The following EEA1 variants were observed in gnomAD, a reference collection of about 807,000 sequenced individuals.
EEA1 encodes the protein early endosome antigen 1, also known as early endosome antigen 1, 162kD.
In EEA1, 111 loss-of-function variants were observed where a neutral mutation model predicts 209.2. The ratio of observed to expected loss-of-function variants is 0.53; its 90% CI spans 0.45 to 0.62. EEA1 has a LOEUF of 0.62. EEA1 is among the 20% of genes least tolerant of loss of function. The pLI is 0.00. For missense variants in EEA1, 1,343 were observed against 1,530.8 expected (o/e 0.88, Z 2.05); for synonymous variants, 536 against 540.6 (o/e 0.99, Z 0.12).
At chr12:92,886,396 G>C (rs1023299934) in intron 2 of EEA1, among the ~76,000 whole-genome samples, 1 of 99,542 alleles carries the variant, frequency 1.0e-5, no homozygotes, top group Non-Finnish European at 2.0e-5. Context: ...GAGAGGGGAG[G>C]GGAGGGGAGG....
chr12:92,807,529 A>G (rs1238766392), intron 18 of EEA1, among the ~76,000 whole-genome samples: 1 of 152,218 alleles, frequency 6.6e-6, no homozygotes, highest in Non-Finnish European at 1.5e-5. Context: ...ATGTCTAGTT[A>G]GAAAACATCA....
In EEA1 at chr12:92,801,717, A is replaced by G; in HGVS notation, c.2671-16T>C. The G allele has an allele frequency of 1.3e-6, 2 of 1,504,936 alleles. No homozygotes were observed. Among genetic ancestry groups the G allele is most frequent in the Non-Finnish European group, 1.8e-6 (2 of 1,114,498 alleles). The allele number at this position is 1,504,936 out of a possible 1,614,324, so 93.2% of individuals were successfully genotyped here. A position where few individuals can be genotyped will look rare whatever the true frequency, so the allele number is the denominator to read the frequency against. Reference sequence around the variant, plus strand: ...AAGTTTTTTCCTTAAAAAAAATGAAAACTATATTACATAAAAAATATTTGT... The same window carrying G: ...AAGTTTTTTCCTTAAAAAAAATGAAGACTATATTACATAAAAAATATTTGT... On this transcript the variant is annotated splice_polypyrimidine_tract_variant and intron_variant, in intron 19 of 28. Transcript: ENST00000322349.
intron 5 of EEA1, among the ~76,000 whole-genome samples, chr12:92,854,923 T>C (rs1036747526): frequency 2.0e-5 from 3 of 152,232 alleles, no homozygotes; most frequent in Non-Finnish European, 4.4e-5. Context: ...TCTATTGATA[T>C]TCCCTGTAAG....
chr12:92,792,243 A>G (rs1341080558), intron 21 of EEA1, among the ~76,000 whole-genome samples: 13 of 152,174 alleles, frequency 8.5e-5, no homozygotes, highest in Admixed American at 7.9e-4. Flanking sequence ...CAAATTCACA[A>G]GCAAGCACAA....
At chr12:92,880,588 C>T (rs1218325517) in intron 2 of EEA1, among the ~76,000 whole-genome samples, 2 of 152,158 alleles carry the variant, frequency 1.3e-5, no homozygotes, top group Non-Finnish European at 2.9e-5. Flanking sequence ...CACTCTCCTG[C>T]CTCAGCCTCG....
chr12:92,806,143 A>G (rs1565815642), intron 18 of EEA1, among the ~76,000 whole-genome samples: 2 of 152,236 alleles, frequency 1.3e-5, no homozygotes, highest in Non-Finnish European at 2.9e-5. Flanking sequence ...ATTAAAAAAA[A>G]GCAAAGTAAT....
chr12:92,830,360 T>C (rs1056785096), intron 11 of EEA1, among the ~76,000 whole-genome samples: 1 of 152,086 alleles, frequency 6.6e-6, no homozygotes, highest in African/African-American at 2.4e-5. Context: ...TGTCTGTTGT[T>C]CCCTTCTTTG....
chr12:92,793,572 A>G (rs1433037205), intron 21 of EEA1, among the ~76,000 whole-genome samples: 1 of 152,208 alleles, frequency 6.6e-6, no homozygotes, highest in Non-Finnish European at 1.5e-5. Context: ...TCCAACTTAC[A>G]AGGGATGTGA....
rs187831257 is a variant in EEA1, at chr12:92,884,224, C to T, written c.117+7405G>A. 703 of 1,515,928 alleles carry T rather than the reference C, an allele frequency of 4.6e-4. 3 individuals are homozygous for T. In the African/African-American group the frequency reaches 7.7e-3, roughly 17 times the overall value. 93.9% of individuals were successfully genotyped at this position (1,515,928 alleles called of 1,614,324 possible). A position where few individuals can be genotyped will look rare whatever the true frequency, so the allele number is the denominator to read the frequency against. On this transcript the variant is annotated intron_variant, in intron 2 of 28. Transcript: ENST00000322349. ...AGAAAAGGGGCTTTGCCTTTGTAAC[C>T]TTTGACGACCATGACTCCGTGGATA...
At chr12:92,858,368 C>G in intron 3 of EEA1, 2 of 978,540 alleles carry the variant, frequency 2.0e-6, no homozygotes, top group Admixed American at 3.5e-5. Flanking sequence ...ATGATTCTTC[C>G]AAAGGGTTTG....
At chr12:92,806,840 T>C (rs1159985588) in intron 18 of EEA1, among the ~76,000 whole-genome samples, 2 of 152,146 alleles carry the variant, frequency 1.3e-5, no homozygotes, top group Non-Finnish European at 2.9e-5. Flanking sequence ...TAACTGACCA[T>C]ATTAACAGAA....
chr12:92,783,916 T>TAA (rs59393966), intron 22 of EEA1, among the ~76,000 whole-genome samples: 2 of 143,238 alleles, frequency 1.4e-5, no homozygotes, highest in South Asian at 4.4e-4. Context: ...AAGTACTCAG[T>TAA]AAAAAAAAAA....
chr12:92,903,535 T>A (rs909605143), intron 1 of EEA1, among the ~76,000 whole-genome samples: 8 of 151,522 alleles, frequency 5.3e-5, no homozygotes, highest in African/African-American at 9.7e-5. Context: ...GAGGCGAAGG[T>A]TGTGGTGAGC....
chr12:92,823,123 C>T (rs1876133145), intron 13 of EEA1, among the ~76,000 whole-genome samples: 1 of 152,342 alleles, frequency 6.6e-6, no homozygotes, highest in Non-Finnish European at 1.5e-5. Context: ...ATATATTAGT[C>T]TTTTAACTCA....
At chr12:92,854,093 G>T in intron 5 of EEA1, 139 bp from the exon 6 acceptor site, 1 of 588,982 alleles carries the variant, frequency 1.7e-6, no homozygotes, top group Non-Finnish European at 2.8e-6. Flanking sequence ...TAAATTTGGT[G>T]GTTTCCATTC....
intron 19 of EEA1, 151 bp downstream of exon 19, chr12:92,802,253 G>A: frequency 2.8e-6 from 2 of 702,720 alleles, no homozygotes. Context: ...CTTCTTCTCA[G>A]GTTAAGCAAT....
chr12:92,808,959 T>C, intron 18 of EEA1, 58 bp downstream of exon 18: 13 of 1,464,478 alleles, frequency 8.9e-6, no homozygotes, highest in Non-Finnish European at 1.2e-5. Flanking sequence ...TGAAGGAAAT[T>C]TTAATACTTA....
Position 92,843,604 on chromosome 12 carries a change from CG to C in EEA1, c.799-1024del, listed in dbSNP as rs1408738451. On this transcript the variant is annotated intron_variant, in intron 9 of 28. Transcript: ENST00000322349. Reference sequence around the variant, plus strand: ...AAAGCTGAACCATTACAGAGAAAGACGAAGTATTTTTTTTTAAGTATGGTCT... The same window carrying C: ...AAAGCTGAACCATTACAGAGAAAGACAAGTATTTTTTTTTAAGTATGGTCT... Among the ~76,000 whole-genome samples the C allele has an allele frequency of 8.6e-5, 13 of 151,886 alleles. No homozygotes were observed. In the East Asian group the frequency reaches 2.5e-3, roughly 29 times the overall value.
rs556546688 is a variant in EEA1, at chr12:92,847,618, A to C, written c.798+3493T>G. Among the ~76,000 whole-genome samples the C allele has an allele frequency of 3.3e-5, 5 of 152,232 alleles. No individual in the cohort carries two copies. In the East Asian group the frequency reaches 9.6e-4, roughly 29 times the overall value. ...GGCAAAATTAGAAAAGTAATTAACA[A>C]TAAGTTTTAGGACAAGATTAATAGC... On this transcript the variant is annotated intron_variant, in intron 9 of 28. Transcript: ENST00000322349.
Sources: gnomAD v4.1 joint callset for allele counts (sites outside exome capture counted in the v4.1 genomes callset) on GRCh38, gnomAD v4.1.1 for gene constraint, MANE v1.5 for transcripts, NCBI Gene and HGNC (gene_info 2026-07-23, HGNC 2026-07-21) for gene names.